The following CPLANE1 variants were observed in gnomAD, a reference collection of about 807,000 sequenced individuals.
The protein encoded by CPLANE1 is ciliogenesis and planar polarity effector 1.
In CPLANE1, 263 loss-of-function variants were observed where a neutral mutation model predicts 362.5. The ratio of observed to expected loss-of-function variants is 0.73; its 90% CI spans 0.66 to 0.80. CPLANE1 has a LOEUF of 0.80. Among genes scored for constraint, CPLANE1 ranks in the 30% least tolerant of loss-of-function variants. The pLI is 0.00. For synonymous variants in CPLANE1, 1,212 were observed against 1,302.6 expected (o/e 0.93, Z 1.50); for missense variants, 3,461 against 3,793.4 (o/e 0.91, Z 2.30).
intron 15 of CPLANE1, 60 bp from the exon 16 acceptor site, chr5:37,213,792 T>A: frequency 7.7e-7 from 1 of 1,292,894 alleles, no homozygotes; most frequent in Non-Finnish European, 1.0e-6. Context: ...TAATAATATT[T>A]AAGTTCCCAA....
At chr5:37,168,507 A>ATT (rs145282721) in intron 34 of CPLANE1, among the ~76,000 whole-genome samples, 3 of 151,406 alleles carry the variant, frequency 2.0e-5, no homozygotes, top group Non-Finnish European at 2.9e-5. Flanking sequence ...AAAATACACA[A>ATT]TTTTTTTTTA....
At position 37,198,824 on chromosome 5, in the gene CPLANE1, G is replaced by A. The variant is rs1434631255; in HGVS notation, c.3550C>T (p.Arg1184Cys). ...TGAAGGATTCCAGATACCTTCTGGC[G>A]ATTATTTTTTTCAGCTTTTAAAAGA... ...DLLLKAEKNNRQKVSGILQRV... is the reference protein window; with the variant it reads ...DLLLKAEKNNCQKVSGILQRV... Residue 1184 changes from arginine to cysteine, a missense_variant, in exon 20 of 53, where the codon CGC (arginine) becomes TGC (cysteine). Transcript: ENST00000651892. 5.0e-6 allele frequency: 8 copies of A among 1,614,006 alleles called. No individual in the cohort carries two copies. The highest frequency in any genetic ancestry group is 1.7e-5 in the Admixed American group (1 of 60,002).
rs1242987641 is a variant in CPLANE1 at position 37,230,414 on chromosome 5, TA to T, written c.1121+452del. 2.0e-5 allele frequency among the ~76,000 whole-genome samples: 3 copies of T among 151,824 alleles called. No individual in the cohort carries two copies. The East Asian group carries it at 5.8e-4, about 29-fold the overall frequency. On this transcript the variant is annotated intron_variant, in intron 9 of 52. Transcript: ENST00000651892. ...AAATATGTAAAATATTGTATATCAA[TA>T]AAAAAAATTTTAAAACAACAACAAA...
Position 37,142,490 on chromosome 5 carries a change from A to G in CPLANE1, c.8462-10T>C. The stretch of plus-strand genomic sequence containing the variant: ...TGGGTCAAAAAACGCACTAATCCAG[A>G]GTATATATTACAATTAAAATAAAAT... On this transcript the variant is annotated splice_polypyrimidine_tract_variant and intron_variant, in intron 43 of 52. Transcript: ENST00000651892. The G allele has an allele frequency of 6.6e-7, 1 of 1,511,358 alleles. No individual in the cohort carries two copies. The highest frequency in any genetic ancestry group is 2.2e-5 in the Admixed American group (1 of 45,946). 93.6% of individuals were successfully genotyped at this position (1,511,358 alleles called of 1,614,324 possible).
intron 8 of CPLANE1, among the ~76,000 whole-genome samples, chr5:37,231,636 A>G (rs375625484): frequency 2.0e-5 from 3 of 152,144 alleles, no homozygotes; most frequent in Non-Finnish European, 4.4e-5. Flanking sequence ...TAGAGTCTAC[A>G]ATCAAGATCT....
chr5:37,207,945 TTTTTG>T (rs571135018), intron 16 of CPLANE1, among the ~76,000 whole-genome samples: 46 of 152,130 alleles, frequency 3.0e-4, no homozygotes, highest in East Asian at 2.3e-3. Flanking sequence ...GTTGTTGTTG[TTTTTG>T]TTTTGTTTTG....
At chr5:37,134,794 C>CTTTT (rs372028750) in intron 46 of CPLANE1, among the ~76,000 whole-genome samples, 1 of 133,138 alleles carries the variant, frequency 7.5e-6, no homozygotes. Flanking sequence ...AAACTTTCCA[C>CTTTT]TTTTTTTTTT....
the CPLANE1 span, among the ~76,000 whole-genome samples, chr5:37,096,887 A>G: frequency 6.7e-6 from 1 of 149,098 alleles, no homozygotes; most frequent in African/African-American, 2.4e-5. Flanking sequence ...TGGCCATAGT[A>G]AAAAAAAAGT....
Position 37,209,443 on chromosome 5 carries a change from T to C in CPLANE1, c.2921-3018A>G. The C allele has an allele frequency of 7.6e-7, 1 of 1,312,278 alleles. No individual in the cohort carries two copies. The highest frequency in any genetic ancestry group is 1.7e-5 in the Admixed American group (1 of 59,256). 81.3% of individuals were successfully genotyped at this position (1,312,278 alleles called of 1,614,324 possible). ...CTGCGCAAAAAGCTATACCAGACAT[T>C]TAAGGATCGGGGTATACTGGAAACA... On this transcript the variant is annotated intron_variant, in intron 16 of 52. Coordinates refer to ENST00000651892, the MANE Select transcript of CPLANE1 (RefSeq NM_001384732.1). This position sits in a 1 kb window ranked among gnomAD's most constrained non-coding sequence, Gnocchi z 4.6.
chr5:37,201,683 C>T lies in CPLANE1; in HGVS notation c.3415G>A (p.Asp1139Asn). 2 of 1,614,130 alleles carry T rather than the reference C, an allele frequency of 1.2e-6. No individual in the cohort carries two copies. The highest frequency in any genetic ancestry group is 2.2e-5 in the South Asian group (2 of 91,086). ...TFQLLIDSAK[D>N]FSKRLWGLVP... ...AAGCCCCACAGTCTTTTACTGAAGTCCTTGGCAGAGTCTATCAGAAGTTGA... is the reference window on the plus strand; with the variant it reads ...AAGCCCCACAGTCTTTTACTGAAGTTCTTGGCAGAGTCTATCAGAAGTTGA... The change falls in exon 19 of 53, where the codon GAC (aspartate) becomes AAC (asparagine). Residue 1139 changes from aspartate to asparagine, a missense_variant. By Grantham distance (23) the Asp-to-Asn change is conservative. This residue lies in a region of CPLANE1 where 3,380 missense variants were observed against 3,666.1 expected (regional missense o/e 0.92). Transcript: ENST00000651892.
At chr5:37,101,045 A>G in the CPLANE1 span, among the ~76,000 whole-genome samples, 1 of 152,198 alleles carries the variant, frequency 6.6e-6, no homozygotes, top group Non-Finnish European at 1.5e-5. Context: ...ATAGGATCAC[A>G]CCACCTGCAA....
At chr5:37,147,974 A>G (rs900671565) in intron 43 of CPLANE1, among the ~76,000 whole-genome samples, 2 of 143,180 alleles carry the variant, frequency 1.4e-5, no homozygotes, top group Admixed American at 1.4e-4. Flanking sequence ...GCCTTCTCAA[A>G]AAAAAAAAAA....
At chr5:37,174,447 C>A (rs1380553303) in intron 31 of CPLANE1, among the ~76,000 whole-genome samples, 3 of 151,994 alleles carry the variant, frequency 2.0e-5, no homozygotes, top group African/African-American at 7.3e-5. Context: ...AAATGTGAAA[C>A]AATAGTACTG....
intron 42 of CPLANE1, among the ~76,000 whole-genome samples, chr5:37,152,653 C>T (rs918589878): frequency 1.3e-5 from 2 of 151,958 alleles, no homozygotes; most frequent in Admixed American, 1.3e-4. Flanking sequence ...CTTTTGGAGG[C>T]CAAGGCAAGG....
the CPLANE1 span, among the ~76,000 whole-genome samples, chr5:37,081,988 T>A: frequency 6.6e-6 from 1 of 150,884 alleles, no homozygotes; most frequent in African/African-American, 2.4e-5. Flanking sequence ...TACAAAAAAA[T>A]GAGCAGGGCG....
At chr5:37,091,670 C>G in the CPLANE1 span, among the ~76,000 whole-genome samples, 2 of 152,176 alleles carry the variant, frequency 1.3e-5, no homozygotes, top group African/African-American at 4.8e-5. Flanking sequence ...GACATAAAGC[C>G]TGCAGTTTTA....
rs144776337 is a variant in CPLANE1, at chr5:37,159,938, A to C, written c.7691-1593T>G. On this transcript the variant is annotated intron_variant, in intron 38 of 52. Coordinates refer to ENST00000651892, the MANE Select transcript of CPLANE1 (RefSeq NM_001384732.1). ...CAACTTCTTGAGAAGTAGCTTCCTT[A>C]TCTTGTAGTACATTAAAAATTTAAG... Among the ~76,000 whole-genome samples, 544 of 152,270 alleles carry C rather than the reference A, an allele frequency of 3.6e-3. 2 individuals carry two copies. Among genetic ancestry groups the C allele is most frequent in the African/African-American group, 0.012 (512 of 41,538 alleles).
rs1561315069 is a variant in CPLANE1 at position 37,121,712 on chromosome 5, C to T, written c.9090G>A (p.Glu3030=). The T allele has an allele frequency of 6.2e-7, 1 of 1,613,914 alleles. No homozygotes were observed. The highest frequency in any genetic ancestry group is 8.5e-7 in the Non-Finnish European group (1 of 1,179,788). ...AYGLMNELLS[E]SVQLPTLPQK... ...GTGGTAGAGTTGGTAGCTGTACTGA[C>T]TCAGATAACAGTTCATTCATCAGAC... Residue 3030 remains glutamate, a synonymous_variant, in exon 49 of 53, where the codon GAG becomes GAA. Transcript: ENST00000651892.
intron 18 of CPLANE1, among the ~76,000 whole-genome samples, chr5:37,203,411 A>T (rs1407668353): frequency 6.6e-6 from 1 of 152,186 alleles, no homozygotes. Context: ...TTAAAGATAT[A>T]TTTGAATTTG....
Sources: gnomAD v4.1 joint callset for allele counts (sites outside exome capture counted in the v4.1 genomes callset) on GRCh38, gnomAD v4.1.1 for gene constraint, gnomAD v4.1.1 regional missense constraint, Gnocchi (gnomAD v3.1) non-coding constraint, MANE v1.5 for transcripts, NCBI Gene and HGNC (gene_info 2026-07-23, HGNC 2026-07-21) for gene names.